UVRAG: variants seen among roughly 807,000 people sequenced by gnomAD.
UVRAG encodes UV radiation resistance-associated gene protein.
UVRAG carries 19 observed loss-of-function variants against 78.0 expected under a neutral mutation model. That is an observed-to-expected ratio of 0.24 (90% CI 0.17 to 0.36). The LOEUF (loss-of-function observed/expected upper bound fraction) is 0.36. Ranked by LOEUF, UVRAG falls within the 10% of genes least tolerant of loss-of-function variation. The pLI is 1.00. For synonymous variants in UVRAG, 323 were observed against 324.6 expected (o/e 1.00, Z 0.05); for missense variants, 740 against 853.8 (o/e 0.87, Z 1.66).
chr11:75,842,077 G>A (rs1945925262), intron 1 of UVRAG, among the ~76,000 whole-genome samples: 1 of 152,108 alleles, frequency 6.6e-6, no homozygotes, highest in Non-Finnish European at 1.5e-5. Flanking sequence ...TGACTGGTTG[G>A]CTTCCTCACA....
intron 1 of UVRAG, among the ~76,000 whole-genome samples, chr11:75,828,315 A>C (rs1945560886): frequency 1.3e-5 from 2 of 151,946 alleles, no homozygotes; most frequent in South Asian, 4.1e-4. Context: ...TCTATCAAAA[A>C]CGTCAGTATA....
chr11:75,916,582 T>G (rs543915585), intron 6 of UVRAG: 9 of 152,238 alleles, frequency 5.9e-5, no homozygotes, highest in Non-Finnish European at 1.0e-4. Flanking sequence ...GCATGATGGA[T>G]TCTTCTTGCT....
intron 13 of UVRAG, among the ~76,000 whole-genome samples, chr11:76,070,849 T>C (rs1165680515): frequency 6.6e-6 from 1 of 152,220 alleles, no homozygotes; most frequent in Non-Finnish European, 1.5e-5. Flanking sequence ...ATAGGAGAGC[T>C]ATATTGCTTA....
intron 1 of UVRAG, among the ~76,000 whole-genome samples, chr11:75,848,990 C>A (rs1348980145): frequency 1.3e-5 from 2 of 151,874 alleles, no homozygotes; most frequent in African/African-American, 4.8e-5. Context: ...ACCAGCCTGG[C>A]CAACATGGTG....
rs190987515 is a variant in UVRAG at position 75,981,236 on chromosome 11, C to T, written c.700-2151C>T. ...AAGCGATTTTTCCGCCTCAGCCTCCCGAATAGCTGGGATTACAGGTGCCCA... is the reference window on the plus strand; with the variant it reads ...AAGCGATTTTTCCGCCTCAGCCTCCTGAATAGCTGGGATTACAGGTGCCCA... On this transcript the variant is annotated intron_variant, in intron 7 of 14. Transcript: ENST00000356136. Among the ~76,000 whole-genome samples the T allele has an allele frequency of 1.7e-3, 263 of 152,108 alleles. 1 individual carries two copies. The highest frequency in any genetic ancestry group is 2.8e-3 in the Non-Finnish European group (191 of 67,994).
intron 12 of UVRAG, among the ~76,000 whole-genome samples, chr11:76,020,446 G>C (rs1950224297): frequency 6.6e-6 from 1 of 152,026 alleles, no homozygotes; most frequent in Non-Finnish European, 1.5e-5. Context: ...GGTCACAGGT[G>C]ATGAATCCTG....
chr11:75,847,961 C>A lies in UVRAG; in HGVS notation c.118-3922C>A, dbSNP rs184979131. On this transcript the variant is annotated intron_variant, in intron 1 of 14. Transcript: ENST00000356136. ...ACTCCAGCCTGGCAACAGAGTGAGA[C>A]TGTGTCTCAAAAAAAAAAAAAAGAA... 3.4e-3 allele frequency among the ~76,000 whole-genome samples: 471 copies of A among 139,242 alleles called. 15 individuals are homozygous for A. Among genetic ancestry groups the A allele is most frequent in the Admixed American group, 0.029 (397 of 13,738 alleles). The allele number at this position is 139,242 out of a possible 152,430, so 91.3% of individuals were successfully genotyped here.
At chr11:75,904,223 G>T (rs1313999906) in intron 5 of UVRAG, among the ~76,000 whole-genome samples, 4 of 152,148 alleles carry the variant, frequency 2.6e-5, no homozygotes, top group Non-Finnish European at 5.9e-5. Flanking sequence ...CTGCTCATTG[G>T]ATATGTTAAA....
intron 13 of UVRAG, among the ~76,000 whole-genome samples, chr11:76,109,048 T>G (rs566646892): frequency 1.7e-4 from 26 of 152,034 alleles, no homozygotes; most frequent in Non-Finnish European, 2.9e-5. Context: ...GGCGGTGCAG[T>G]AGGAAGTTGT....
At chr11:75,845,053 G>C (rs943024984) in intron 1 of UVRAG, among the ~76,000 whole-genome samples, 1 of 152,138 alleles carries the variant, frequency 6.6e-6, no homozygotes, top group African/African-American at 2.4e-5. Flanking sequence ...GGAATTTAGG[G>C]TCATATTGCT....
intron 13 of UVRAG, among the ~76,000 whole-genome samples, chr11:76,070,421 C>A (rs969224271): frequency 6.6e-6 from 1 of 152,034 alleles, no homozygotes; most frequent in African/African-American, 2.4e-5. Context: ...GTATTGTGTA[C>A]TGAAAATTTG....
chr11:76,077,091 G>A (rs185040811), intron 13 of UVRAG, among the ~76,000 whole-genome samples: 268 of 148,538 alleles, frequency 1.8e-3, no homozygotes, highest in African/African-American at 6.4e-3. Context: ...CCTCTTTAAG[G>A]TTGATAATTA....
At chr11:76,113,230 G>A (rs916905356) in intron 13 of UVRAG, among the ~76,000 whole-genome samples, 6 of 152,206 alleles carry the variant, frequency 3.9e-5, no homozygotes, top group African/African-American at 1.4e-4. Flanking sequence ...GATATTGAAT[G>A]TATTGAGAAG....
At chr11:75,912,128 CT>C in intron 6 of UVRAG, 89 bp downstream of exon 6, 1 of 943,008 alleles carries the variant, frequency 1.1e-6, no homozygotes, top group Non-Finnish European at 1.7e-6. Flanking sequence ...TTAACGGAAG[CT>C]TTAGAGGCTG....
intron 2 of UVRAG, among the ~76,000 whole-genome samples, chr11:75,854,602 A>T (rs1342954908): frequency 1.3e-5 from 2 of 151,940 alleles, no homozygotes; most frequent in East Asian, 3.9e-4. Context: ...TTTTTTGTAG[A>T]GATGGGGTTT....
At chr11:75,920,839 A>G (rs2135065497) in intron 6 of UVRAG, among the ~76,000 whole-genome samples, 2 of 152,336 alleles carry the variant, frequency 1.3e-5, no homozygotes, top group East Asian at 3.9e-4. Context: ...GTTGATACAC[A>G]TACTTGGGTT....
At chr11:75,897,114 C>A (rs1482166502) in intron 5 of UVRAG, among the ~76,000 whole-genome samples, 1 of 152,018 alleles carries the variant, frequency 6.6e-6, no homozygotes, top group Non-Finnish European at 1.5e-5. Flanking sequence ...TGAAAGAAAC[C>A]CAAGATATTG....
intron 6 of UVRAG, among the ~76,000 whole-genome samples, chr11:75,946,428 G>T (rs929468386): frequency 2.6e-5 from 4 of 152,134 alleles, no homozygotes; most frequent in Non-Finnish European, 4.4e-5. Flanking sequence ...ATTAGTTTTT[G>T]ATTGCTGGAT....
In UVRAG at chr11:76,143,738, TAG is replaced by T. The variant is rs886929858; in HGVS notation, c.*2328_*2329del. On this transcript the variant is annotated 3_prime_UTR_variant, in exon 15 of 15. Coordinates refer to ENST00000356136, the MANE Select transcript of UVRAG (RefSeq NM_003369.4). ...AACTGTTTGACGTTTTCCAAAGTTG[TAG>T]AGTTAGTATGGCCTCTGTTTAAAGT... is the stretch of plus-strand genomic sequence containing the variant. 1.3e-5 allele frequency among the ~76,000 whole-genome samples: 2 copies of T among 152,242 alleles called. No homozygotes were observed. Among genetic ancestry groups the T allele is most frequent in the Admixed American group, 1.3e-4 (2 of 15,290 alleles).
Sources: allele counts gnomAD v4.1 joint callset (sites outside exome capture counted in the v4.1 genomes callset), GRCh38; gene constraint gnomAD v4.1.1; transcripts MANE v1.5; gene names NCBI Gene and HGNC (gene_info 2026-07-23, HGNC 2026-07-21).